Variants in LONP1 observed in about 807,000 individuals in gnomAD.
LONP1 encodes lon peptidase 1, mitochondrial.
In LONP1, 31 loss-of-function variants were observed where a neutral mutation model predicts 98.5. The ratio of observed to expected loss-of-function variants is 0.31; its 90% confidence interval spans 0.24 to 0.42. LONP1 has a LOEUF of 0.42. LONP1 is among the 20% of genes least tolerant of loss of function. The pLI is 1.00. For missense variants in LONP1, 1,336 were observed against 1,350.6 expected (o/e 0.99, Z 0.17); for synonymous variants, 781 against 594.7 (o/e 1.31, Z -4.56).
At chr19:5,708,221 A>G (rs2055178713) in intron 5 of LONP1, 121 bp downstream of exon 5, 1 of 1,024,100 alleles carries the variant, frequency 9.8e-7, no homozygotes, top group Non-Finnish European at 1.4e-6. Context: ...CACACAGGCC[A>G]CTCCTTGGGG....
chr19:5,710,638 A>G (rs1456784366), intron 4 of LONP1, among the ~76,000 whole-genome samples: 1 of 152,072 alleles, frequency 6.6e-6, no homozygotes, highest in African/African-American at 2.4e-5. Context: ...TTGGCCTCCA[A>G]AAGTGTTGGG....
At chr19:5,706,405 T>C (rs368467273) in intron 7 of LONP1, among the ~76,000 whole-genome samples, 1 of 152,108 alleles carries the variant, frequency 6.6e-6, no homozygotes, top group African/African-American at 2.4e-5. Context: ...GGCCAGGAGT[T>C]CAAGACCAGC....
Position 5,692,000 on chromosome 19 carries a change from G to A in LONP1, c.*32C>T, listed in dbSNP as rs1599439178. ...CTCAGTTCTGGCCCAGACAGGGCCTGACATCCGCCGCCTGCAGTCCCGGGG... is the reference window on the plus strand; with the variant it reads ...CTCAGTTCTGGCCCAGACAGGGCCTAACATCCGCCGCCTGCAGTCCCGGGG... On this transcript the variant is annotated 3_prime_UTR_variant, in exon 18 of 18. Coordinates refer to ENST00000360614, the MANE Select transcript of LONP1 (RefSeq NM_004793.4). 1 of 1,594,324 alleles carries A rather than the reference G, an allele frequency of 6.3e-7. No individual in the cohort carries two copies. Among genetic ancestry groups the A allele is most frequent in the Non-Finnish European group, 8.6e-7 (1 of 1,169,438 alleles).
At chr19:5,707,009 GGCCCGA>G in intron 7 of LONP1, 45 bp downstream of exon 7, 3 of 1,469,304 alleles carry the variant, frequency 2.0e-6, no homozygotes, top group Non-Finnish European at 2.8e-6. Flanking sequence ...GATGTCACGT[GGCCCGA>G]GGGGAAGGCC....
chr19:5,708,513 C>T (rs900823712), intron 4 of LONP1, 110 bp from the exon 5 acceptor site: 2 of 454,202 alleles, frequency 4.4e-6, no homozygotes, highest in African/African-American at 2.6e-5. Flanking sequence ...TCAACTCCCT[C>T]CCCTCCGCCA....
At chr19:5,694,279 C>T (rs576532350) in intron 15 of LONP1, 108 bp downstream of exon 15, 8 of 1,440,082 alleles carry the variant, frequency 5.6e-6, no homozygotes, top group African/African-American at 2.8e-5. Flanking sequence ...CGCCAGAGGC[C>T]GTTCAGAGCC....
chr19:5,701,398 G>C (rs796301966), intron 8 of LONP1, among the ~76,000 whole-genome samples: 2,808 of 152,272 alleles, frequency 0.018, 43 homozygotes, highest in East Asian at 0.036. Context: ...GCTGGACTGT[G>C]TGCTGCCATC....
intron 1 of LONP1, chr19:5,717,723 C>A (rs2055344579): frequency 6.6e-6 from 1 of 152,202 alleles, no homozygotes; most frequent in East Asian, 1.9e-4. Flanking sequence ...AACAGCATCA[C>A]GTTATTGCTG....
intron 9 of LONP1, among the ~76,000 whole-genome samples, chr19:5,699,477 C>T (rs566442067): frequency 3.9e-5 from 6 of 151,934 alleles, no homozygotes; most frequent in Non-Finnish European, 5.9e-5. Flanking sequence ...CAGCAGTTCC[C>T]GGGACCCTGA....
chr19:5,702,310 C>G (rs1184502416), intron 8 of LONP1, among the ~76,000 whole-genome samples: 18 of 120,856 alleles, frequency 1.5e-4, no homozygotes, highest in African/African-American at 5.6e-4. Context: ...GAGGTGGAGG[C>G]GTCAGCCCCC....
At chr19:5,702,638 T>C (rs1288256928) in intron 8 of LONP1, among the ~76,000 whole-genome samples, 1 of 152,250 alleles carries the variant, frequency 6.6e-6, no homozygotes, top group African/African-American at 2.4e-5. Context: ...TAGAAAGAAG[T>C]AGACATGAGA....
At position 5,713,354 on chromosome 19, in the gene LONP1, C is replaced by G. The variant is rs538026955; in HGVS notation, c.519-101G>C. On this transcript the variant is annotated intron_variant, in intron 2 of 17. Transcript: ENST00000360614. The stretch of plus-strand genomic sequence containing the variant: ...GAGGGAGAGAAAAGAAACGCCCCTA[C>G]CAAATGCTACTGAAAACCAAGAGCG... 3 of 1,426,906 alleles carry G rather than the reference C, an allele frequency of 2.1e-6. No homozygotes were observed. In the South Asian group the frequency reaches 3.5e-5, roughly 17 times the overall value. 88.4% of individuals were successfully genotyped at this position (1,426,906 alleles called of 1,614,324 possible).
rs867860911 is a variant in LONP1 at position 5,692,129 on chromosome 19, G to C, written c.2783C>G (p.Thr928Ser). ...CACGAAGTGCACCTCCAGGCCCTCG[G>C]TGATGAAGGCTGCCAGGTCGTAGAA... ...KDFYDLAAFI[T>S]EGLEVHFVEH... The change falls in exon 18 of 18, where the codon ACC becomes AGC. Residue 928 changes from threonine (T) to serine (S), a missense_variant. Coordinates refer to ENST00000360614, the MANE Select transcript of LONP1 (RefSeq NM_004793.4). 1.2e-6 allele frequency: 2 copies of C among 1,614,178 alleles called. No homozygotes were observed. Among genetic ancestry groups the C allele is most frequent in the Middle Eastern group, 3.3e-4 (2 of 6,062 alleles).
In LONP1 at chr19:5,708,408, C is replaced by G. The variant is rs763544425; in HGVS notation, c.871-5G>C. ...CACGATCTCTGCAGTCAGGGCCTGC[C>G]AAGTATGGGGCAGGGTCGCTGGGGC... On this transcript the variant is annotated splice_region_variant and splice_polypyrimidine_tract_variant and intron_variant, in intron 4 of 17. Transcript: ENST00000360614. 2.5e-5 allele frequency: 37 copies of G among 1,467,210 alleles called. No homozygotes were observed. In the East Asian group the frequency reaches 1.2e-3, roughly 49 times the overall value. 90.9% of individuals were successfully genotyped at this position (1,467,210 alleles called of 1,614,324 possible).
intron 4 of LONP1, among the ~76,000 whole-genome samples, chr19:5,710,927 G>A (rs961300444): frequency 3.3e-5 from 5 of 152,088 alleles, no homozygotes; most frequent in Admixed American, 6.6e-5. Flanking sequence ...TTGGGAGGCT[G>A]AGGCATGAGA....
At chr19:5,714,754 A>T (rs955126412) in intron 1 of LONP1, 1 of 151,066 alleles carries the variant, frequency 6.6e-6, no homozygotes, top group Non-Finnish European at 1.5e-5. Context: ...AGTAGCTGGG[A>T]TTACAGGCGC....
rs754206195 is a variant in LONP1 at position 5,691,839 on chromosome 19, CA to C, written c.*192del. 149 of 809,956 alleles carry C rather than the reference CA, an allele frequency of 1.8e-4. No individual in the cohort carries two copies. The highest frequency in any genetic ancestry group is 2.6e-4 in the Non-Finnish European group (136 of 520,054). The allele number at this position is 809,956 out of a possible 1,614,324, so 50.2% of individuals were successfully genotyped here. A position where few individuals can be genotyped will look rare whatever the true frequency, so the allele number is the denominator to read the frequency against. The stretch of plus-strand genomic sequence containing the variant: ...AGCAGGTGAGGAAGCCGCCGTACTG[CA>C]AATGACTTTAATCATTAAATAGCTT... On this transcript the variant is annotated 3_prime_UTR_variant, in exon 18 of 18. Transcript: ENST00000360614.
intron 17 of LONP1, among the ~76,000 whole-genome samples, chr19:5,692,681 C>A (rs1045714400): frequency 6.6e-6 from 1 of 152,188 alleles, no homozygotes; most frequent in Non-Finnish European, 1.5e-5. Context: ...GACAGCAGTT[C>A]CCACTGTCAC....
intron 8 of LONP1, among the ~76,000 whole-genome samples, chr19:5,702,205 G>C (rs1037943913): frequency 6.7e-6 from 1 of 150,164 alleles, no homozygotes; most frequent in Admixed American, 6.6e-5. Flanking sequence ...AGGGAGGAGT[G>C]GGGGTCAGCC....
Sources: allele counts gnomAD v4.1 joint callset (sites outside exome capture counted in the v4.1 genomes callset), GRCh38; gene constraint gnomAD v4.1.1; transcripts MANE v1.5; gene names NCBI Gene and HGNC (gene_info 2026-07-23, HGNC 2026-07-21).